The following CHORDC1 variants were observed in gnomAD, a reference collection of about 807,000 sequenced individuals.
CHORDC1 encodes cysteine and histidine rich domain containing 1, also known as cysteine and histidine-rich domain-containing protein 1.
CHORDC1 carries 25 observed loss-of-function variants against 48.3 expected under a neutral mutation model. That is an observed-to-expected ratio of 0.52 (90% CI 0.38 to 0.72). The LOEUF (loss-of-function observed/expected upper bound fraction) is 0.72, where lower values mean the gene tolerates loss of function less well. Among genes scored for constraint, CHORDC1 ranks in the 30% least tolerant of loss-of-function variants. The pLI is 0.00. For synonymous variants in CHORDC1, 128 were observed against 126.4 expected (o/e 1.01, Z -0.09); for missense variants, 317 against 388.7 (o/e 0.82, Z 1.55).
At chr11:90,218,407 G>T (rs1463360447) in intron 1 of CHORDC1, among the ~76,000 whole-genome samples, 1 of 151,994 alleles carries the variant, frequency 6.6e-6, no homozygotes, top group Non-Finnish European at 1.5e-5. Context: ...CAAAAATACA[G>T]AATTGTTTAT....
chr11:90,218,999 C>T (rs1327193145), intron 1 of CHORDC1, among the ~76,000 whole-genome samples: 1 of 151,256 alleles, frequency 6.6e-6, no homozygotes, highest in Non-Finnish European at 1.5e-5. Flanking sequence ...GGCCTGGTGG[C>T]TCATGCCTGT....
intron 8 of CHORDC1, among the ~76,000 whole-genome samples, chr11:90,204,941 CT>C (rs956266874): frequency 5.3e-5 from 8 of 151,762 alleles, no homozygotes; most frequent in Non-Finnish European, 7.4e-5. Context: ...GGAAATGATG[CT>C]TTTTTCCCCC....
intron 1 of CHORDC1, among the ~76,000 whole-genome samples, chr11:90,221,485 G>C (rs1858171135): frequency 6.6e-6 from 1 of 152,172 alleles, no homozygotes; most frequent in Non-Finnish European, 1.5e-5. Context: ...TTCACACATG[G>C]ATACAGACTT....
chr11:90,203,218 G>T, intron 9 of CHORDC1, 90 bp downstream of exon 9: 1 of 1,220,048 alleles, frequency 8.2e-7, no homozygotes, highest in Non-Finnish European at 1.1e-6. Flanking sequence ...CCCCAAATCA[G>T]CTGAGATATA....
intron 1 of CHORDC1, among the ~76,000 whole-genome samples, chr11:90,220,480 G>C (rs1446370984): frequency 2.0e-5 from 3 of 152,152 alleles, no homozygotes; most frequent in Admixed American, 6.5e-5. Flanking sequence ...AATAGATCCA[G>C]TATTTTCAAA....
intron 3 of CHORDC1, 80 bp downstream of exon 3, chr11:90,215,094 A>C (rs1857973940): frequency 1.3e-6 from 1 of 788,462 alleles, no homozygotes; most frequent in Non-Finnish European, 2.0e-6. Context: ...TCTATATCAG[A>C]AATCAGACTC....
intron 1 of CHORDC1, among the ~76,000 whole-genome samples, chr11:90,221,713 A>T (rs1858176718): frequency 6.6e-6 from 1 of 152,256 alleles, no homozygotes; most frequent in African/African-American, 2.4e-5. Flanking sequence ...TTTGCATCAT[A>T]AAAATGTCAG....
intron 9 of CHORDC1, 30 bp from the exon 10 acceptor site, chr11:90,202,905 T>C (rs770583367): frequency 6.4e-7 from 1 of 1,555,860 alleles, no homozygotes; most frequent in Admixed American, 2.2e-5. Flanking sequence ...TTAATTGATC[T>C]AATTCAAACT....
rs762212291 is a variant in CHORDC1, at chr11:90,218,156, C to A, written c.93G>T (p.Pro31=). The A allele has an allele frequency of 6.4e-7, 1 of 1,571,304 alleles. No homozygotes were observed. The highest frequency in any genetic ancestry group is 8.6e-7 in the Non-Finnish European group (1 of 1,165,052). ...DDACTYHPGV[P]VFHDALKGWS... is the part of the protein sequence containing the mutation. ...CTACCTTTAATGCATCGTGAAAGAC[C>A]GGAACACCTGGGTGGTATGTGCAAG... is the stretch of plus-strand genomic sequence containing the variant. The change falls in exon 2 of 11, where the codon CCG becomes CCT. Residue 31 remains proline, a synonymous_variant. Coordinates refer to ENST00000320585, the MANE Select transcript of CHORDC1 (RefSeq NM_012124.3).
intron 8 of CHORDC1, among the ~76,000 whole-genome samples, chr11:90,204,607 G>A (rs1025074258): frequency 1.3e-5 from 2 of 151,980 alleles, no homozygotes; most frequent in African/African-American, 2.4e-5. Context: ...TGTAGTCCCA[G>A]CTACTAGGGA....
At chr11:90,214,525 C>A (rs1012748135) in intron 3 of CHORDC1, among the ~76,000 whole-genome samples, 2 of 138,472 alleles carry the variant, frequency 1.4e-5, no homozygotes, top group Non-Finnish European at 3.2e-5. Context: ...AATTTGAGAC[C>A]TAGTTCTCAA....
chr11:90,218,227 A>C (rs756994232), intron 1 of CHORDC1, 43 bp from the exon 2 acceptor site: 2 of 1,414,362 alleles, frequency 1.4e-6, no homozygotes, highest in African/African-American at 3.0e-5. Context: ...ACTCTTTATA[A>C]TGAAGAAAAA....
chr11:90,218,859 C>G (rs1445054010), intron 1 of CHORDC1, among the ~76,000 whole-genome samples: 2 of 152,132 alleles, frequency 1.3e-5, no homozygotes. Context: ...CTCTGCCTGG[C>G]CACTGTGCAA....
At chr11:90,222,254 CAAG>C (rs1235402577) in intron 1 of CHORDC1, among the ~76,000 whole-genome samples, 5 of 152,134 alleles carry the variant, frequency 3.3e-5, no homozygotes, top group African/African-American at 4.8e-5. Context: ...GTGGAGGCCA[CAAG>C]AAGAACAAGC....
At chr11:90,209,183 C>T (rs1857788342) in intron 6 of CHORDC1, 1 of 152,232 alleles carries the variant, frequency 6.6e-6, no homozygotes, top group South Asian at 2.1e-4. Context: ...ACAATTGTAT[C>T]TCCATTCCTT....
chr11:90,218,197 G>GA lies in CHORDC1; in HGVS notation c.65-14dup. On this transcript the variant is annotated splice_polypyrimidine_tract_variant and intron_variant, in intron 1 of 10. Transcript: ENST00000320585. ...TATGTGCAAGCATCTGGAGAAAACAGAGAAAAAAAAAAAAGTACCACTCTT... is the reference window on the plus strand; with the variant it reads ...TATGTGCAAGCATCTGGAGAAAACAGAAGAAAAAAAAAAAAGTACCACTCTT... 1 of 1,478,588 alleles carries GA rather than the reference G, an allele frequency of 6.8e-7. No homozygotes were observed. Among genetic ancestry groups the GA allele is most frequent in the Non-Finnish European group, 8.9e-7 (1 of 1,118,004 alleles). The allele number at this position is 1,478,588 out of a possible 1,614,324, so 91.6% of individuals were successfully genotyped here.
chr11:90,220,866 G>C (rs563920877), intron 1 of CHORDC1, among the ~76,000 whole-genome samples: 3 of 151,872 alleles, frequency 2.0e-5, no homozygotes, highest in South Asian at 4.2e-4. Flanking sequence ...AGTTTTCCTC[G>C]TATACGTCGA....
intron 6 of CHORDC1, among the ~76,000 whole-genome samples, chr11:90,209,639 A>G (rs1431297058): frequency 6.6e-6 from 1 of 152,176 alleles, no homozygotes; most frequent in African/African-American, 2.4e-5. Context: ...AGGGAGAAGA[A>G]ATGTTGGAGG....
intron 1 of CHORDC1, 149 bp downstream of exon 1, chr11:90,222,742 C>A: frequency 1.3e-6 from 1 of 765,196 alleles, no homozygotes; most frequent in Non-Finnish European, 2.3e-6. Context: ...CGGCGGGCTG[C>A]GCGGGCAGCC....
Sources: gnomAD v4.1 joint callset for allele counts (sites outside exome capture counted in the v4.1 genomes callset) on GRCh38, gnomAD v4.1.1 for gene constraint, MANE v1.5 for transcripts, NCBI Gene and HGNC (gene_info 2026-07-23, HGNC 2026-07-21) for gene names.